PITPNB: variants seen among roughly 807,000 people sequenced by gnomAD.
The protein encoded by PITPNB is phosphatidylinositol transfer protein beta isoform.
A neutral mutation model predicts 45.9 loss-of-function variants in PITPNB; 16 were observed. The ratio of observed to expected loss-of-function variants is 0.35; its 90% CI spans 0.24 to 0.53. The LOEUF is 0.53. Among genes scored for constraint, PITPNB ranks in the 20% least tolerant of loss-of-function variants. The probability of loss-of-function intolerance (pLI) is 0.93; values close to 1 mark genes in which losing one functional copy is unlikely to be tolerated. For synonymous variants in PITPNB, 112 were observed against 108.9 expected, an observed-to-expected ratio of 1.03 and a Z score of -0.18; for missense variants, 188 against 330.5, an observed-to-expected ratio of 0.57 and a Z score of 3.34.
chr22:27,908,876 A>T (rs1267205729), intron 3 of PITPNB, among the ~76,000 whole-genome samples: 4 of 152,190 alleles, frequency 2.6e-5, no homozygotes, highest in Admixed American at 2.6e-4. Flanking sequence ...CCAGCAACAG[A>T]AGCAAAGAAA....
intron 7 of PITPNB, among the ~76,000 whole-genome samples, chr22:27,879,276 C>T (rs1332390580): frequency 6.6e-6 from 1 of 152,184 alleles, no homozygotes; most frequent in Non-Finnish European, 1.5e-5. Flanking sequence ...ATCAGAATTT[C>T]AGCCCCAAGA....
intron 7 of PITPNB, among the ~76,000 whole-genome samples, chr22:27,878,392 T>C (rs1418135463): frequency 6.6e-6 from 1 of 152,216 alleles, no homozygotes; most frequent in Non-Finnish European, 1.5e-5. Flanking sequence ...AAAGTTTACA[T>C]TAAATTTTGC....
chr22:27,860,573 TA>T (rs1385980643), intron 8 of PITPNB: 1 of 176,632 alleles, frequency 5.7e-6, no homozygotes, highest in Admixed American at 5.6e-5. Context: ...AGGGTTCTCA[TA>T]ACACCATTAC....
At chr22:27,919,015 G>A (rs1936187007) in intron 1 of PITPNB, 157 bp downstream of exon 1, 4 of 1,065,578 alleles carry the variant, frequency 3.8e-6, no homozygotes, top group Non-Finnish European at 1.4e-6. Context: ...CGCACTCGCT[G>A]AGGGGCTTCG....
intron 7 of PITPNB, among the ~76,000 whole-genome samples, chr22:27,885,931 T>C (rs1935111856): frequency 6.6e-6 from 1 of 152,140 alleles, no homozygotes; most frequent in South Asian, 2.1e-4. Context: ...GAAACAGAAA[T>C]GATGAGTACA....
At chr22:27,916,856 T>C (rs1936092812) in intron 1 of PITPNB, among the ~76,000 whole-genome samples, 1 of 152,032 alleles carries the variant, frequency 6.6e-6, no homozygotes, top group South Asian at 2.1e-4. Context: ...TTTGCCAAAG[T>C]ATTTTAGTTA....
At chr22:27,866,028 A>G (rs535395382) in intron 8 of PITPNB, among the ~76,000 whole-genome samples, 1 of 152,346 alleles carries the variant, frequency 6.6e-6, no homozygotes, top group Admixed American at 6.5e-5. Context: ...CTAATCTGCG[A>G]GTAAATAAAA....
At chr22:27,917,042 C>T (rs902789647) in intron 1 of PITPNB, among the ~76,000 whole-genome samples, 1 of 152,042 alleles carries the variant, frequency 6.6e-6, no homozygotes, top group African/African-American at 2.4e-5. Flanking sequence ...CAGCTTCTAC[C>T]TTCAAAAAGT....
intron 3 of PITPNB, among the ~76,000 whole-genome samples, chr22:27,908,894 T>A (rs1935838299): frequency 6.6e-6 from 1 of 152,160 alleles, no homozygotes; most frequent in Non-Finnish European, 1.5e-5. Context: ...AAATGCTGTA[T>A]TCTAAGCGAA....
chr22:27,877,065 G>A (rs1244842608), intron 7 of PITPNB, among the ~76,000 whole-genome samples: 1 of 152,162 alleles, frequency 6.6e-6, no homozygotes, highest in Non-Finnish European at 1.5e-5. Flanking sequence ...AATCCTTGGG[G>A]AAAAAAGAGA....
At chr22:27,902,703 A>C (rs1935636182) in intron 3 of PITPNB, among the ~76,000 whole-genome samples, 1 of 152,212 alleles carries the variant, frequency 6.6e-6, no homozygotes, top group Non-Finnish European at 1.5e-5. Context: ...GGACTTCATC[A>C]AAATCATAAA....
intron 7 of PITPNB, among the ~76,000 whole-genome samples, chr22:27,874,622 T>C (rs1171502103): frequency 6.6e-6 from 1 of 152,148 alleles, no homozygotes. Context: ...AAAGTTCTCT[T>C]GTCATTACAC....
chr22:27,917,156 A>C (rs1262256572), intron 1 of PITPNB, among the ~76,000 whole-genome samples: 2 of 152,244 alleles, frequency 1.3e-5, no homozygotes, highest in Non-Finnish European at 2.9e-5. Context: ...GGCACGTGTC[A>C]ACATTCATTA....
intron 8 of PITPNB, among the ~76,000 whole-genome samples, chr22:27,871,766 G>A (rs570304539): frequency 6.6e-6 from 1 of 152,214 alleles, no homozygotes; most frequent in Non-Finnish European, 1.5e-5. Flanking sequence ...ATGCTGAAAT[G>A]TAATCCCCAA....
chr22:27,904,068 T>C (rs893908137), intron 3 of PITPNB, among the ~76,000 whole-genome samples: 1 of 152,124 alleles, frequency 6.6e-6, no homozygotes, highest in Non-Finnish European at 1.5e-5. Flanking sequence ...TGATTGACAG[T>C]TCCTCAAAAG....
At chr22:27,854,971 A>G in intron 10 of PITPNB, 32 bp from the exon 11 acceptor site, 2 of 1,493,694 alleles carry the variant, frequency 1.3e-6, no homozygotes, top group Non-Finnish European at 1.9e-6. Context: ...GAGCTGCTGA[A>G]ATCAGACTCT....
At chr22:27,887,549 TCCCCACCCA>T (rs752022420) in intron 7 of PITPNB, among the ~76,000 whole-genome samples, 1 of 151,694 alleles carries the variant, frequency 6.6e-6, no homozygotes, top group Non-Finnish European at 1.5e-5. Context: ...TGCTCCAATA[TCCCCACCCA>T]CCCCACCTCC....
intron 8 of PITPNB, among the ~76,000 whole-genome samples, chr22:27,862,259 AT>A (rs745860706): frequency 4.9e-4 from 74 of 152,214 alleles, no homozygotes; most frequent in South Asian, 1.2e-3. Flanking sequence ...CCTCAAGATT[AT>A]TTTTCCTTTA....
At chr22:27,895,109 A>G (rs1310172763) in intron 6 of PITPNB, among the ~76,000 whole-genome samples, 1 of 152,116 alleles carries the variant, frequency 6.6e-6, no homozygotes, top group Non-Finnish European at 1.5e-5. Context: ...TATGATGCCA[A>G]CTCCTCTCTA....
Sources: allele counts gnomAD v4.1 joint callset (sites outside exome capture counted in the v4.1 genomes callset), GRCh38; gene constraint gnomAD v4.1.1; transcripts MANE v1.5; gene names NCBI Gene and HGNC (gene_info 2026-07-23, HGNC 2026-07-21).